Variants in CDC73 observed in about 807,000 individuals in gnomAD.
CDC73 encodes cell division cycle 73.
A neutral mutation model predicts 83.7 loss-of-function variants in CDC73; 21 were observed. That is an observed-to-expected ratio of 0.25 (90% CI 0.18 to 0.36). CDC73 has a LOEUF of 0.36. Among genes scored for constraint, CDC73 ranks in the 10% least tolerant of loss-of-function variants. The pLI is 1.00. For synonymous variants in CDC73, 224 were observed against 212.9 expected (o/e 1.05, Z -0.45); for missense variants, 342 against 653.3 (o/e 0.52, Z 5.19).
At chr1:193,167,006 T>A (rs1369518515) in intron 10 of CDC73, among the ~76,000 whole-genome samples, 1 of 152,200 alleles carries the variant, frequency 6.6e-6, no homozygotes, top group African/African-American at 2.4e-5. Flanking sequence ...TGACCAAAAT[T>A]GATTGCAAAT....
At chr1:193,153,929 CTG>C (rs1291943861) in intron 10 of CDC73, among the ~76,000 whole-genome samples, 1 of 152,116 alleles carries the variant, frequency 6.6e-6, no homozygotes, top group Non-Finnish European at 1.5e-5. Flanking sequence ...GGGATCAAGA[CTG>C]AGGTCCAGTA....
chr1:193,243,134 C>T lies in CDC73; in HGVS notation c.1418-6596C>T, dbSNP rs185518931. Reference sequence around the variant, plus strand: ...CTAATTTTTCTATTTGTAGTAGAGACGGGGTTTCATCATGTTGGTCTGGTC... The same window carrying T: ...CTAATTTTTCTATTTGTAGTAGAGATGGGGTTTCATCATGTTGGTCTGGTC... On this transcript the variant is annotated intron_variant, in intron 15 of 16. Coordinates refer to ENST00000367435, the MANE Select transcript of CDC73 (RefSeq NM_024529.5). Among the ~76,000 whole-genome samples, 295 of 151,992 alleles carry T rather than the reference C, an allele frequency of 1.9e-3. 2 individuals are homozygous for T. The highest frequency in any genetic ancestry group is 3.5e-3 in the Non-Finnish European group (238 of 67,942).
At chr1:193,171,327 G>A (rs1676515511) in intron 10 of CDC73, among the ~76,000 whole-genome samples, 3 of 152,194 alleles carry the variant, frequency 2.0e-5, no homozygotes. Context: ...CAAGGTTCAG[G>A]TATATCGTGG....
chr1:193,215,690 A>G (rs1677356368), intron 13 of CDC73, among the ~76,000 whole-genome samples: 1 of 151,754 alleles, frequency 6.6e-6, no homozygotes, highest in Non-Finnish European at 1.5e-5. Context: ...CCTGGGCTCA[A>G]GCAATCCTCT....
intron 1 of CDC73, chr1:193,122,547 A>C: frequency 1.8e-6 from 1 of 543,052 alleles, no homozygotes. Flanking sequence ...AATTTTTGAG[A>C]AGCCCAAAGG....
chr1:193,133,481 C>G (rs952819844), intron 3 of CDC73, among the ~76,000 whole-genome samples: 2 of 152,094 alleles, frequency 1.3e-5, no homozygotes, highest in African/African-American at 2.4e-5. Context: ...TGAGAAAAGG[C>G]TAGTCATTCT....
At chr1:193,223,367 C>CT (rs1444213690) in intron 13 of CDC73, among the ~76,000 whole-genome samples, 2 of 152,168 alleles carry the variant, frequency 1.3e-5, no homozygotes, top group East Asian at 1.9e-4. Flanking sequence ...TGTTAAGCAC[C>CT]TGGGAGCATT....
intron 14 of CDC73, 26 bp from the exon 15 acceptor site, chr1:193,236,229 TC>T (rs763176571): frequency 3.5e-6 from 5 of 1,412,896 alleles, no homozygotes; most frequent in African/African-American, 1.4e-5. Context: ...GTCCCCTACC[TC>T]CCCCCACCCA....
intron 13 of CDC73, among the ~76,000 whole-genome samples, chr1:193,230,522 A>G (rs1417282046): frequency 6.8e-6 from 1 of 147,314 alleles, no homozygotes; most frequent in Non-Finnish European, 1.5e-5. Flanking sequence ...GAACCTAAAA[A>G]TGGAAGATAG....
At chr1:193,198,668 G>A (rs1305708727) in intron 10 of CDC73, among the ~76,000 whole-genome samples, 1 of 152,168 alleles carries the variant, frequency 6.6e-6, no homozygotes, top group Admixed American at 6.5e-5. Context: ...TCAAAACAAG[G>A]GAACATTGGA....
chr1:193,146,532 A>G (rs1676003989), intron 7 of CDC73, among the ~76,000 whole-genome samples: 1 of 152,190 alleles, frequency 6.6e-6, no homozygotes, highest in South Asian at 2.1e-4. Flanking sequence ...TGAGACACAG[A>G]GAGAAATGGG....
At chr1:193,156,777 C>T (rs888923244) in intron 10 of CDC73, among the ~76,000 whole-genome samples, 14 of 152,040 alleles carry the variant, frequency 9.2e-5, no homozygotes, top group African/African-American at 2.7e-4. Flanking sequence ...ATAATGGAGA[C>T]TCTCTTAAAA....
At chr1:193,231,619 C>G (rs900883649) in intron 13 of CDC73, among the ~76,000 whole-genome samples, 36 of 152,044 alleles carry the variant, frequency 2.4e-4, no homozygotes, top group Admixed American at 1.8e-3. Flanking sequence ...AAATGATTAT[C>G]TGGGGGAAAT....
chr1:193,233,000 C>G lies in CDC73; in HGVS notation c.1162C>G (p.Pro388Ala), dbSNP rs1470371131. The G allele has an allele frequency of 6.2e-7, 1 of 1,613,116 alleles. No individual in the cohort carries two copies. Among genetic ancestry groups the G allele is most frequent in the South Asian group, 1.1e-5 (1 of 91,044 alleles). The part of the protein sequence containing the change: ...KDLLQDLKFV[P>A]SDEKKKQGCQ... Reference sequence around the variant, plus strand: ...ATCTCTGTTTTTTCAAAGATTTGTCCCATCAGATGAAAAGAAGAAACAAGG... The same window carrying G: ...ATCTCTGTTTTTTCAAAGATTTGTCGCATCAGATGAAAAGAAGAAACAAGG... The change falls in exon 14 of 17, where the codon CCA (proline) becomes GCA (alanine). Residue 388 changes from proline to alanine, a missense_variant. Pro to Ala is a conservative substitution (Grantham distance 27). Around this residue, in one of 3 missense-constraint regions of CDC73, gnomAD observed 239 missense variants for 420.6 expected, o/e 0.57. Transcript: ENST00000367435.
chr1:193,135,300 T>C, intron 3 of CDC73, 91 bp from the exon 4 acceptor site: 1 of 1,024,352 alleles, frequency 9.8e-7, no homozygotes, highest in Middle Eastern at 2.3e-4. Context: ...CATATAGAAG[T>C]ATATAAAAAA....
Position 193,251,576 on chromosome 1 carries a change from ATTT to A in CDC73, c.*866_*868del. ...TATGGTATAGGATTTTGAATCTTCT[ATTT>A]TAGGCTTGTCAGTCTTGGAGTTCTT... On this transcript the variant is annotated 3_prime_UTR_variant, in exon 17 of 17. Coordinates refer to ENST00000367435, the MANE Select transcript of CDC73 (RefSeq NM_024529.5). 4.3e-6 allele frequency: 1 copy of A among 232,094 alleles called. No individual in the cohort carries two copies. Among genetic ancestry groups the A allele is most frequent in the East Asian group, 6.1e-5 (1 of 16,394 alleles). 14.4% of individuals were successfully genotyped at this position (232,094 alleles called of 1,614,324 possible).
chr1:193,253,399 T>G lies in CDC73; in HGVS notation c.*2687T>G. 1 of 232,528 alleles carries G rather than the reference T, an allele frequency of 4.3e-6. No homozygotes were observed. The highest frequency in any genetic ancestry group is 8.5e-6 in the Non-Finnish European group (1 of 117,614). 14.4% of individuals were successfully genotyped at this position (232,528 alleles called of 1,614,324 possible). A position where few individuals can be genotyped will look rare whatever the true frequency, so the allele number is the denominator to read the frequency against. On this transcript the variant is annotated 3_prime_UTR_variant, in exon 17 of 17. Transcript: ENST00000367435. ...CCTTCTTTTCTGTATGTATGTGTGGTTTTTGATTTTTTGTTGTTGTTGTTG... is the reference window on the plus strand; with the variant it reads ...CCTTCTTTTCTGTATGTATGTGTGGGTTTTGATTTTTTGTTGTTGTTGTTG...
At chr1:193,246,620 T>G (rs1024716713) in intron 15 of CDC73, among the ~76,000 whole-genome samples, 11 of 152,122 alleles carry the variant, frequency 7.2e-5, no homozygotes, top group Admixed American at 1.3e-4. Context: ...CCTAGCAGTT[T>G]TTTTCTCTTC....
At chr1:193,207,177 T>A (rs1203090046) in intron 11 of CDC73, among the ~76,000 whole-genome samples, 1 of 152,088 alleles carries the variant, frequency 6.6e-6, no homozygotes, top group Non-Finnish European at 1.5e-5. Flanking sequence ...AAGTTTTTAT[T>A]AGGGATTTTA....
Sources: gnomAD v4.1 joint callset for allele counts (sites outside exome capture counted in the v4.1 genomes callset) on GRCh38, gnomAD v4.1.1 for gene constraint, gnomAD v4.1.1 regional missense constraint, MANE v1.5 for transcripts, NCBI Gene and HGNC (gene_info 2026-07-23, HGNC 2026-07-21) for gene names.